Variants in PACRGL observed in about 807,000 individuals in gnomAD.
The protein encoded by PACRGL is PACRG-like protein.
PACRGL carries 38 observed loss-of-function variants against 34.5 expected under a neutral mutation model. The observed-to-expected ratio is 1.10, with a 90% confidence interval of 0.85 to 1.44. The LOEUF (loss-of-function observed/expected upper bound fraction) is 1.44. PACRGL is among the 40% of genes most tolerant of loss of function. The pLI is 0.00. For missense variants in PACRGL, 305 were observed against 281.4 expected, an observed-to-expected ratio of 1.08 and a Z score of -0.60; for synonymous variants, 128 against 100.1, an observed-to-expected ratio of 1.28 and a Z score of -1.66.
In PACRGL at chr4:20,712,796, A is replaced by G; in HGVS notation, c.375A>G (p.Arg125=). 6.4e-7 allele frequency: 1 copy of G among 1,561,618 alleles called. No homozygotes were observed. Residue 125 remains arginine, a synonymous_variant, in exon 6 of 9, where the codon AGA becomes AGG. Transcript: ENST00000503585. ...PLLITLAEGL[R]ETKHPYTFVS... is the part of the protein sequence containing the mutation. The stretch of plus-strand genomic sequence containing the variant: ...CTCTTGGTCTTTGTCAGGGTCTGAG[A>G]GAGACTAAGCATCCATACACTTTTG...
At chr4:20,702,935 T>G (rs1407428041) in intron 1 of PACRGL, among the ~76,000 whole-genome samples, 1 of 152,184 alleles carries the variant, frequency 6.6e-6, no homozygotes, top group African/African-American at 2.4e-5. Context: ...GAAATTGAAA[T>G]TATTCAGTGT....
In PACRGL at chr4:20,729,817, A is replaced by G. The variant is rs1418313977; in HGVS notation, c.*2476A>G. On this transcript the variant is annotated 3_prime_UTR_variant, in exon 9 of 9. Transcript: ENST00000503585. Reference sequence around the variant, plus strand: ...ATGGCTAAGGAACCAATAAAACTATATGCCAGATTCTATTACTTTTGAATA... The same window carrying G: ...ATGGCTAAGGAACCAATAAAACTATGTGCCAGATTCTATTACTTTTGAATA... The G allele has an allele frequency of 2.9e-6, 1 of 345,722 alleles. No individual in the cohort carries two copies. The highest frequency in any genetic ancestry group is 5.2e-6 in the Non-Finnish European group (1 of 192,138). 21.4% of individuals were successfully genotyped at this position (345,722 alleles called of 1,614,324 possible).
intron 7 of PACRGL, among the ~76,000 whole-genome samples, chr4:20,717,744 G>C: frequency 6.6e-6 from 1 of 152,184 alleles, no homozygotes; most frequent in East Asian, 1.9e-4. Context: ...TAGCCTTGTA[G>C]TATAGTTTGA....
chr4:20,701,928 G>A lies in PACRGL; in HGVS notation c.-17+1141G>A, dbSNP rs148002116. 6.3e-3 allele frequency: 2,891 copies of A among 455,468 alleles called. 81 individuals carry two copies. Among genetic ancestry groups the A allele is most frequent in the South Asian group, 0.038 (2,431 of 64,518 alleles). 28.2% of individuals were successfully genotyped at this position (455,468 alleles called of 1,614,324 possible). ...AAGTGAAAAAGCAATTGTTTTGGAA[G>A]GAAATTCTCTAATACAGGATTTTGA... is the stretch of plus-strand genomic sequence containing the variant. On this transcript the variant is annotated intron_variant, in intron 1 of 8. Transcript: ENST00000503585.
chr4:20,725,273 C>G lies in PACRGL; in HGVS notation c.690+385C>G, dbSNP rs184931290. ...TGAGGAAAAATACCTTTTTCTCTTT[C>G]ATTTGCTGCCTTTTCTGACTCAGAC... is the stretch of plus-strand genomic sequence containing the variant. On this transcript the variant is annotated intron_variant, in intron 8 of 8. Coordinates refer to ENST00000503585, the MANE Select transcript of PACRGL (RefSeq NM_001258345.3). 3.3e-5 allele frequency among the ~76,000 whole-genome samples: 5 copies of G among 152,098 alleles called. No individual in the cohort carries two copies. In the East Asian group the frequency reaches 9.7e-4, roughly 29 times the overall value.
At chr4:20,738,242 T>G (rs968501428) in intron 8 of PACRGL, among the ~76,000 whole-genome samples, 2 of 152,192 alleles carry the variant, frequency 1.3e-5, no homozygotes, top group Non-Finnish European at 2.9e-5. Flanking sequence ...TAGATGAGAT[T>G]GATTGTTATC....
Position 20,729,839 on chromosome 4 carries a change from AATATTCACAGAGTATGAAATG to A in PACRGL, c.*2500_*2520del. ...TATATGCCAGATTCTATTACTTTTG[AATATTCACAGAGTATGAAATG>A]AGTTAGACCATCCCCTGAACTCAGT... On this transcript the variant is annotated 3_prime_UTR_variant, in exon 9 of 9. Coordinates refer to ENST00000503585, the MANE Select transcript of PACRGL (RefSeq NM_001258345.3). The A allele has an allele frequency of 2.6e-6, 1 of 383,128 alleles. No homozygotes were observed. The highest frequency in any genetic ancestry group is 4.6e-6 in the Non-Finnish European group (1 of 215,712). The allele number at this position is 383,128 out of a possible 1,614,324, so 23.7% of individuals were successfully genotyped here.
At chr4:20,726,302 A>G (rs1445647349) in intron 8 of PACRGL, among the ~76,000 whole-genome samples, 1 of 152,174 alleles carries the variant, frequency 6.6e-6, no homozygotes, top group Non-Finnish European at 1.5e-5. Flanking sequence ...TTACTACTCC[A>G]TCTTACTAGC....
chr4:20,713,321 T>C (rs1738194965), intron 6 of PACRGL, 111 bp from the exon 7 acceptor site: 1 of 744,592 alleles, frequency 1.3e-6, no homozygotes, highest in Non-Finnish European at 2.2e-6. Flanking sequence ...TGTAGATGTT[T>C]AATCTTATCC....
chr4:20,758,864 T>C, the PACRGL span: 1 of 1,613,374 alleles, frequency 6.2e-7, no homozygotes, highest in Non-Finnish European at 8.5e-7. Context: ...TGAAGGTTTC[T>C]TCATTAACAA....
At chr4:20,718,614 A>T (rs952337831) in intron 7 of PACRGL, among the ~76,000 whole-genome samples, 19 of 152,190 alleles carry the variant, frequency 1.2e-4, no homozygotes, top group Non-Finnish European at 1.2e-4. Context: ...GGTTCTGTTT[A>T]TATGCTGGAT....
chr4:20,714,304 A>G (rs1373248464), intron 7 of PACRGL, among the ~76,000 whole-genome samples: 1 of 152,108 alleles, frequency 6.6e-6, no homozygotes, highest in African/African-American at 2.4e-5. Flanking sequence ...TGTTTTATCC[A>G]AGACTAGAAC....
chr4:20,756,416 T>G (rs1015297471), downstream of PACRGL, among the ~76,000 whole-genome samples: 7 of 152,168 alleles, frequency 4.6e-5, no homozygotes, highest in African/African-American at 1.4e-4. Context: ...TTTTCTATCC[T>G]AAAGCTATTA....
In PACRGL at chr4:20,714,536, G is replaced by A. The variant is rs181401991; in HGVS notation, c.609+997G>A. Among the ~76,000 whole-genome samples the A allele has an allele frequency of 4.3e-3, 649 of 152,176 alleles. 8 individuals carry two copies. The highest frequency in any genetic ancestry group is 0.012 in the Admixed American group (178 of 15,270). ...TATTATGATGTGTGAATTTGATCCC[G>A]TCATTATGATATTAGCTGGTTATTT... On this transcript the variant is annotated intron_variant, in intron 7 of 8. Coordinates refer to ENST00000503585, the MANE Select transcript of PACRGL (RefSeq NM_001258345.3).
At chr4:20,714,837 T>C (rs1349269379) in intron 7 of PACRGL, among the ~76,000 whole-genome samples, 3 of 152,256 alleles carry the variant, frequency 2.0e-5, no homozygotes, top group African/African-American at 7.2e-5. Context: ...AACTGTAAAG[T>C]AGTTCAACCA....
intron 1 of PACRGL, chr4:20,702,820 A>AAAATG (rs1732780211): frequency 6.6e-6 from 1 of 152,292 alleles, no homozygotes; most frequent in Non-Finnish European, 1.5e-5. Context: ...TAATTACCGT[A>AAAATG]GTATTAGAAA....
At position 20,713,548 on chromosome 4, in the gene PACRGL, T is replaced by A; in HGVS notation, c.609+9T>A. 6.3e-7 allele frequency: 1 copy of A among 1,583,058 alleles called. No homozygotes were observed. Among genetic ancestry groups the A allele is most frequent in the Non-Finnish European group, 8.7e-7 (1 of 1,152,254 alleles). On this transcript the variant is annotated intron_variant, in intron 7 of 8. Transcript: ENST00000503585. ...AGCATCTGCTTACAAGCGTAAGTAC[T>A]GCAAAGATTAGATAATGATTGACTG...
At chr4:20,743,872 C>CT (rs1461141299) in intron 8 of PACRGL, among the ~76,000 whole-genome samples, 2 of 151,884 alleles carry the variant, frequency 1.3e-5, no homozygotes, top group Admixed American at 1.3e-4. Flanking sequence ...ACCTACTCAT[C>CT]TGACAAAGGG....
At chr4:20,751,617 G>A (rs1270525819) in intron 8 of PACRGL, among the ~76,000 whole-genome samples, 1 of 152,132 alleles carries the variant, frequency 6.6e-6, no homozygotes, top group East Asian at 1.9e-4. Context: ...CACAATCAGA[G>A]TAAATGCCTT....
Sources: allele counts gnomAD v4.1 joint callset (sites outside exome capture counted in the v4.1 genomes callset), GRCh38; gene constraint gnomAD v4.1.1; transcripts MANE v1.5; gene names NCBI Gene and HGNC (gene_info 2026-07-23, HGNC 2026-07-21).